NRXN1: variants seen among roughly 807,000 people sequenced by gnomAD.
NRXN1 encodes the protein neurexin-1.
NRXN1 carries 39 observed loss-of-function variants against 150.9 expected under a neutral mutation model. That is an observed-to-expected ratio of 0.26 (90% CI 0.20 to 0.34). The LOEUF (loss-of-function observed/expected upper bound fraction) is 0.34, where lower values mean the gene tolerates loss of function less well. NRXN1 is among the 10% of genes least tolerant of loss of function. The pLI is 1.00. For synonymous variants in NRXN1, 924 were observed against 757.0 expected (o/e 1.22, Z -3.62); for missense variants, 1,815 against 1,949.9 (o/e 0.93, Z 1.30).
At chr2:50,297,793 A>G (rs1429097355) in intron 17 of NRXN1, among the ~76,000 whole-genome samples, 3 of 152,192 alleles carry the variant, frequency 2.0e-5, no homozygotes, top group African/African-American at 7.2e-5. Context: ...GAGAGATGTA[A>G]CTTTTTTCTT....
At chr2:50,027,388 C>CCCTT (rs1325337216) in intron 21 of NRXN1, among the ~76,000 whole-genome samples, 4,356 of 138,212 alleles carry the variant, frequency 0.032, 245 homozygotes, top group African/African-American at 0.11. Context: ...CTTCCTCCCT[C>CCCTT]CCTTCCTTCC....
intron 14 of NRXN1, among the ~76,000 whole-genome samples, chr2:50,496,379 C>T (rs926066387): frequency 6.6e-6 from 1 of 152,162 alleles, no homozygotes; most frequent in African/African-American, 2.4e-5. Flanking sequence ...TCTTTCACCA[C>T]GCGCTCCCTG....
intron 5 of NRXN1, among the ~76,000 whole-genome samples, chr2:50,787,038 C>T (rs1003541641): frequency 3.3e-5 from 5 of 152,110 alleles, no homozygotes; most frequent in African/African-American, 1.2e-4. Flanking sequence ...TTTAGCATTA[C>T]TAACACTGTT....
At chr2:50,862,405 C>A (rs1451780236) in intron 5 of NRXN1, among the ~76,000 whole-genome samples, 1 of 151,992 alleles carries the variant, frequency 6.6e-6, no homozygotes, top group Non-Finnish European at 1.5e-5. Flanking sequence ...CTTTTGAAGT[C>A]TCTCTTCAGA....
rs75886274 is a variant in NRXN1, at chr2:50,819,945, C to T, written c.832+101924G>A. 3.2e-4 allele frequency among the ~76,000 whole-genome samples: 48 copies of T among 152,210 alleles called. No homozygotes were observed. The East Asian group carries it at 5.4e-3, about 17-fold the overall frequency. The stretch of plus-strand genomic sequence containing the variant: ...TGTATCACCCTGACTTGTCCTGGTA[C>T]GCACCAGCACCACTCTGCTCACTTG... On this transcript the variant is annotated intron_variant, in intron 5 of 22. Transcript: ENST00000401669.
intron 12 of NRXN1, among the ~76,000 whole-genome samples, chr2:50,515,402 T>A (rs977218419): frequency 1.3e-5 from 2 of 152,132 alleles, no homozygotes; most frequent in African/African-American, 4.8e-5. Context: ...GTAGTGAAAT[T>A]CAATTATCCT....
At chr2:50,864,818 G>T (rs115660437) in intron 5 of NRXN1, among the ~76,000 whole-genome samples, 7,044 of 151,994 alleles carry the variant, frequency 0.046, 216 homozygotes, top group Admixed American at 0.075. Flanking sequence ...CAAAGCAGTG[G>T]TTTTCAGGTA....
intron 18 of NRXN1, among the ~76,000 whole-genome samples, chr2:50,130,644 A>G (rs953247332): frequency 3.3e-5 from 5 of 152,196 alleles, no homozygotes; most frequent in Non-Finnish European, 7.3e-5. Context: ...AAGTATCCAA[A>G]ACCAAAACAA....
chr2:50,402,272 C>A (rs1362068858), intron 17 of NRXN1, among the ~76,000 whole-genome samples: 1 of 151,748 alleles, frequency 6.6e-6, no homozygotes. Context: ...AGTATGGATA[C>A]AAGAGAAATC....
intron 18 of NRXN1, among the ~76,000 whole-genome samples, chr2:50,125,127 C>T (rs1003528141): frequency 3.3e-5 from 5 of 152,216 alleles, no homozygotes; most frequent in African/African-American, 1.2e-4. Context: ...GGAACTGTCT[C>T]TAATCCTTTA....
chr2:50,077,605 C>T (rs1697304218), intron 19 of NRXN1, among the ~76,000 whole-genome samples: 1 of 152,112 alleles, frequency 6.6e-6, no homozygotes, highest in South Asian at 2.1e-4. Flanking sequence ...CTTTAAAATG[C>T]TCCAGCGAAG....
chr2:50,685,038 C>T (rs1691011485), intron 5 of NRXN1, among the ~76,000 whole-genome samples: 1 of 152,128 alleles, frequency 6.6e-6, no homozygotes. Flanking sequence ...CATAATATGA[C>T]TTTCCAAACA....
intron 16 of NRXN1, among the ~76,000 whole-genome samples, chr2:50,472,053 A>AGC (rs1246715555): frequency 1.0e-5 from 1 of 96,624 alleles, no homozygotes; most frequent in African/African-American, 4.1e-5. Context: ...CAAAAGCAAA[A>AGC]ACAGGCAAAA....
chr2:49,989,199 C>G (rs189238743), intron 21 of NRXN1, among the ~76,000 whole-genome samples: 5 of 152,192 alleles, frequency 3.3e-5, no homozygotes, highest in Non-Finnish European at 7.4e-5. Context: ...ACTTACATTT[C>G]TGGTTCAGGT....
intron 17 of NRXN1, among the ~76,000 whole-genome samples, chr2:50,442,919 A>G (rs893793593): frequency 1.3e-5 from 2 of 152,172 alleles, no homozygotes; most frequent in Non-Finnish European, 2.9e-5. Flanking sequence ...GTAGGATGAT[A>G]TCTGAAAAAT....
At chr2:50,038,794 C>A (rs1248138724) in intron 21 of NRXN1, among the ~76,000 whole-genome samples, 3 of 137,154 alleles carry the variant, frequency 2.2e-5, no homozygotes, top group Non-Finnish European at 3.2e-5. Flanking sequence ...TTCCTTCCCA[C>A]CCTCCCTCCC....
chr2:50,713,175 G>T (rs1019908718), intron 5 of NRXN1, among the ~76,000 whole-genome samples: 3 of 151,834 alleles, frequency 2.0e-5, no homozygotes, highest in Admixed American at 6.6e-5. Context: ...TTATTCAGGC[G>T]TGGTGGCGCA....
chr2:50,687,448 C>CT (rs1315946380), intron 5 of NRXN1, among the ~76,000 whole-genome samples: 2 of 152,084 alleles, frequency 1.3e-5, no homozygotes, highest in African/African-American at 4.8e-5. Context: ...TCTATGCATG[C>CT]TTTATCATTT....
intron 17 of NRXN1, among the ~76,000 whole-genome samples, chr2:50,410,100 C>A (rs2104058793): frequency 6.6e-6 from 1 of 152,192 alleles, no homozygotes; most frequent in South Asian, 2.1e-4. Context: ...TCTATCCCTC[C>A]TGCTCCCCTA....
Sources: gnomAD v4.1 joint callset for allele counts (sites outside exome capture counted in the v4.1 genomes callset) on GRCh38, gnomAD v4.1.1 for gene constraint, MANE v1.5 for transcripts, NCBI Gene and HGNC (gene_info 2026-07-23, HGNC 2026-07-21) for gene names.